LARGE1: variants seen among roughly 807,000 people sequenced by gnomAD.
LARGE1 encodes the protein xylosyl- and glucuronyltransferase LARGE1.
Under a neutral mutation model 87.6 loss-of-function variants are expected in LARGE1, and 43 were observed. That is an observed-to-expected ratio of 0.49 (90% CI 0.38 to 0.63). LARGE1 has a LOEUF of 0.63. Ranked by LOEUF, LARGE1 falls within the 30% of genes least tolerant of loss-of-function variation. LARGE1 has a pLI of 0.00. For missense variants in LARGE1, 802 were observed against 1,000.2 expected, an observed-to-expected ratio of 0.80 and a Z score of 2.67; for synonymous variants, 434 against 394.6, an observed-to-expected ratio of 1.10 and a Z score of -1.18.
chr22:33,407,235 C>A (rs1037641302), intron 7 of LARGE1, among the ~76,000 whole-genome samples: 3 of 152,114 alleles, frequency 2.0e-5, no homozygotes, highest in African/African-American at 7.3e-5. Flanking sequence ...TCATCGCACA[C>A]TACAGTTTTG....
intron 11 of LARGE1, among the ~76,000 whole-genome samples, chr22:33,179,068 A>G (rs1258289937): frequency 1.3e-5 from 2 of 152,298 alleles, no homozygotes; most frequent in East Asian, 1.9e-4. Context: ...GTTTCTTCTT[A>G]TAAAGCCAAC....
chr22:33,263,825 T>C (rs1927779606), intron 11 of LARGE1, among the ~76,000 whole-genome samples: 1 of 152,236 alleles, frequency 6.6e-6, no homozygotes, highest in Non-Finnish European at 1.5e-5. Flanking sequence ...TACAACTGGA[T>C]GCCATTTCAT....
At chr22:33,772,523 G>A (rs1387345919) in intron 1 of LARGE1, among the ~76,000 whole-genome samples, 3 of 151,794 alleles carry the variant, frequency 2.0e-5, no homozygotes, top group African/African-American at 7.3e-5. Flanking sequence ...TGTGCTCCCT[G>A]TGCCTGAAAT....
chr22:33,497,797 T>A (rs1443828303), intron 6 of LARGE1, among the ~76,000 whole-genome samples: 1 of 152,250 alleles, frequency 6.6e-6, no homozygotes, highest in Non-Finnish European at 1.5e-5. Context: ...TCTTAGTGGT[T>A]TAGAAGAGCC....
Position 33,834,438 on chromosome 22 carries a change from C to T in LARGE1, c.-82-72880G>A, listed in dbSNP as rs2063057307. On this transcript the variant is annotated intron_variant, in intron 1 of 14. Transcript: ENST00000397394. The stretch of plus-strand genomic sequence containing the variant: ...GACATTACCTTGTGAAACTCCTTCT[C>T]CTGGCTCATCCTGGCTCAAAAGCTC... Among the ~76,000 whole-genome samples, 5 of 152,288 alleles carry T rather than the reference C, an allele frequency of 3.3e-5. No homozygotes were observed. The South Asian group carries it at 1.0e-3, about 32-fold the overall frequency.
rs141261012 is a variant in LARGE1, at chr22:33,366,660, T to A, written c.1131+15259A>T. On this transcript the variant is annotated intron_variant, in intron 9 of 14. Transcript: ENST00000397394. ...TTGCAATCTTCCTGTCTTTGTGACG[T>A]GACTTTGCTTCTCTTTCGTCTTCCG... Among the ~76,000 whole-genome samples the A allele has an allele frequency of 5.2e-4, 79 of 152,342 alleles. 1 individual carries two copies. The highest frequency in any genetic ancestry group is 1.7e-3 in the African/African-American group (70 of 41,578).
rs540769567 is a variant in LARGE1, at chr22:33,874,305, G to A, written c.-83+45690C>T. 2.0e-5 allele frequency among the ~76,000 whole-genome samples: 3 copies of A among 152,220 alleles called. No homozygotes were observed. In the East Asian group the frequency reaches 5.8e-4, roughly 30 times the overall value. Reference sequence around the variant, plus strand: ...ACAAAGGGTAGAAAGCTGGTCTTCAGGTTTTCACTCCTCTAAGAGGCTACT... The same window carrying A: ...ACAAAGGGTAGAAAGCTGGTCTTCAAGTTTTCACTCCTCTAAGAGGCTACT... On this transcript the variant is annotated intron_variant, in intron 1 of 14. Coordinates refer to ENST00000397394, the MANE Select transcript of LARGE1 (RefSeq NM_133642.5).
chr22:33,305,589 G>A (rs558033162), intron 11 of LARGE1: 8 of 985,250 alleles, frequency 8.1e-6, no homozygotes, highest in Non-Finnish European at 8.4e-6. Flanking sequence ...TTATTCGGAC[G>A]ATTACCAGGA....
chr22:33,205,730 A>G (rs541433338), intron 11 of LARGE1, among the ~76,000 whole-genome samples: 6 of 152,106 alleles, frequency 3.9e-5, no homozygotes, highest in Non-Finnish European at 8.8e-5. Flanking sequence ...TTGATTTAGT[A>G]CTACTCAAGA....
At chr22:33,290,001 G>A (rs936023688) in intron 12 of LARGE1, among the ~76,000 whole-genome samples, 2 of 152,144 alleles carry the variant, frequency 1.3e-5, no homozygotes, top group Non-Finnish European at 2.9e-5. Flanking sequence ...AGGGGTGGGT[G>A]CAGATGGTAG....
intron 13 of LARGE1, among the ~76,000 whole-genome samples, chr22:33,278,542 A>ATC (rs369492393): frequency 0.023 from 3,306 of 145,684 alleles, 59 homozygotes; most frequent in South Asian, 0.064. Flanking sequence ...ACTATTTTAA[A>ATC]TCTCTCTCTC....
At chr22:33,710,084 T>C (rs1038072912) in intron 2 of LARGE1, among the ~76,000 whole-genome samples, 2 of 151,014 alleles carry the variant, frequency 1.3e-5, no homozygotes, top group Non-Finnish European at 2.9e-5. Flanking sequence ...GTTCAACAAA[T>C]GTCTGTTTGA....
chr22:33,081,327 T>C, the LARGE1 span, among the ~76,000 whole-genome samples: 2,181 of 152,300 alleles, frequency 0.014, 60 homozygotes, highest in African/African-American at 0.05. Flanking sequence ...AGAAAGTAAC[T>C]GGAGAAGATT....
At chr22:33,678,085 T>A (rs925470265) in intron 2 of LARGE1, among the ~76,000 whole-genome samples, 1 of 152,172 alleles carries the variant, frequency 6.6e-6, no homozygotes, top group Non-Finnish European at 1.5e-5. Context: ...ATTTGTAAAA[T>A]TTATGTAAAA....
chr22:33,648,268 G>A (rs2080680944), intron 3 of LARGE1, among the ~76,000 whole-genome samples: 1 of 152,194 alleles, frequency 6.6e-6, no homozygotes, highest in African/African-American at 2.4e-5. Flanking sequence ...GACTGAGCAG[G>A]GGAGTGAAAC....
chr22:33,590,174 A>C (rs1035271410), intron 5 of LARGE1, among the ~76,000 whole-genome samples: 27 of 152,218 alleles, frequency 1.8e-4, no homozygotes, highest in Non-Finnish European at 2.9e-4. Context: ...TTGGAAAATA[A>C]CTCGGCTATT....
Position 33,284,870 on chromosome 22 carries a change from C to T in LARGE1, c.1731-1522G>A, listed in dbSNP as rs112274199. On this transcript the variant is annotated intron_variant, in intron 12 of 14. Coordinates refer to ENST00000397394, the MANE Select transcript of LARGE1 (RefSeq NM_133642.5). ...GATTACAGGTGTGCACCACTGCGCC[C>T]GGCCAGCATGAGGCTTTTAATAAAC... is the stretch of plus-strand genomic sequence containing the variant. Among the ~76,000 whole-genome samples the T allele has an allele frequency of 1.9e-3, 287 of 152,220 alleles. 4 individuals carry two copies. The highest frequency in any genetic ancestry group is 6.3e-3 in the African/African-American group (262 of 41,552).
intron 6 of LARGE1, among the ~76,000 whole-genome samples, chr22:33,476,289 G>A (rs1433183850): frequency 6.6e-6 from 1 of 152,174 alleles, no homozygotes; most frequent in Non-Finnish European, 1.5e-5. Context: ...GCCAGACTAA[G>A]GCAAAAGTGA....
intron 6 of LARGE1, among the ~76,000 whole-genome samples, chr22:33,455,757 C>CA (rs35353034): frequency 0.16 from 10,177 of 61,982 alleles, 475 homozygotes; most frequent in Admixed American, 0.2. Context: ...CTGTCTCAGC[C>CA]AAAAAAAAAA....
Sources: gnomAD v4.1 joint callset for allele counts (sites outside exome capture counted in the v4.1 genomes callset) on GRCh38, gnomAD v4.1.1 for gene constraint, MANE v1.5 for transcripts, NCBI Gene and HGNC (gene_info 2026-07-23, HGNC 2026-07-21) for gene names.